The following TNN variants were observed in gnomAD, a reference collection of about 807,000 sequenced individuals.
The protein encoded by TNN is tenascin-N.
Under a neutral mutation model 134.4 loss-of-function variants are expected in TNN, and 122 were observed. That is an observed-to-expected ratio of 0.91 (90% CI 0.78 to 1.06). The LOEUF is 1.06. Among genes scored for constraint, TNN ranks in the 50% least tolerant of loss-of-function variants. The pLI, the probability that TNN is intolerant of heterozygous loss-of-function variation, is 0.00. For synonymous variants in TNN, 710 were observed against 670.3 expected, an observed-to-expected ratio of 1.06 and a Z score of -0.91; for missense variants, 1,739 against 1,699.4, an observed-to-expected ratio of 1.02 and a Z score of -0.41.
At position 175,147,040 on chromosome 1, in the gene TNN, G is replaced by C; in HGVS notation, c.3869G>C (p.Arg1290Pro). 6.3e-7 allele frequency: 1 copy of C among 1,592,082 alleles called. No homozygotes were observed. Among genetic ancestry groups the C allele is most frequent in the Non-Finnish European group, 8.6e-7 (1 of 1,168,966 alleles). ...SREPVLGRKK[R>P]TLRGRLRTF ...GAGCCTGTCCTGGGCAGAAAGAAGC[G>C]GACGCTGAGAGGAAGGCTGCGAACG... Residue 1290 changes from arginine to proline, a missense_variant, in exon 19 of 19, where the codon CGG (arginine) becomes CCG (proline). Physicochemically the swap from Arg to Pro is moderately radical, Grantham distance 103. Transcript: ENST00000239462.
chr1:175,067,887 C>T lies in TNN; in HGVS notation c.-84C>T, dbSNP rs747800369. 2.8e-5 allele frequency: 14 copies of T among 499,938 alleles called. No individual in the cohort carries two copies. Among genetic ancestry groups the T allele is most frequent in the Non-Finnish European group, 5.2e-5 (13 of 251,140 alleles). 31.0% of individuals were successfully genotyped at this position (499,938 alleles called of 1,614,324 possible). ...ACCAAGGTCTGCGGCAGGAGGAGAC[C>T]GGCTCACAGGAGCAGCAGCATTGGA... On this transcript the variant is annotated 5_prime_UTR_variant, in exon 1 of 19. Coordinates refer to ENST00000239462, the MANE Select transcript of TNN (RefSeq NM_022093.2).
chr1:175,091,473 G>C (rs940939492), intron 6 of TNN, among the ~76,000 whole-genome samples: 2 of 152,176 alleles, frequency 1.3e-5, no homozygotes, highest in African/African-American at 4.8e-5. Flanking sequence ...GGAGAGAAAG[G>C]AGCTACAGAG....
intron 15 of TNN, 46 bp downstream of exon 15, chr1:175,128,792 C>A (rs753428930): frequency 2.6e-6 from 4 of 1,559,372 alleles, no homozygotes; most frequent in Non-Finnish European, 3.5e-6. Context: ...GGCCTTCCTT[C>A]TCAGCCCAGG....
At chr1:175,079,737 C>T (rs754750907) in intron 3 of TNN, 30 bp downstream of exon 3, 5 of 1,543,492 alleles carry the variant, frequency 3.2e-6, no homozygotes, top group Non-Finnish European at 4.4e-6. Context: ...CTCGGGCCGC[C>T]GGACTCTTCT....
At chr1:175,128,196 T>G in intron 14 of TNN, 32 bp downstream of exon 14, 1 of 1,538,688 alleles carries the variant, frequency 6.5e-7, no homozygotes, top group Non-Finnish European at 8.8e-7. Flanking sequence ...TGAACGACCG[T>G]GCAATGAGAA....
intron 9 of TNN, among the ~76,000 whole-genome samples, chr1:175,114,051 G>A (rs553720241): frequency 9.9e-5 from 15 of 151,906 alleles, no homozygotes; most frequent in African/African-American, 3.4e-4. Context: ...ACAATGTATC[G>A]ATTTCTTTTT....
intron 12 of TNN, among the ~76,000 whole-genome samples, 188 bp downstream of exon 12, chr1:175,123,851 T>C (rs1057509168): frequency 1.8e-4 from 8 of 44,754 alleles, no homozygotes; most frequent in African/African-American, 6.1e-4. Context: ...TGAGAGAGTA[T>C]AGAGGGAGTG....
intron 5 of TNN, among the ~76,000 whole-genome samples, 180 bp downstream of exon 5, chr1:175,084,115 A>C (rs912679531): frequency 6.6e-6 from 1 of 152,222 alleles, no homozygotes; most frequent in African/African-American, 2.4e-5. Context: ...GGAGGCCTGT[A>C]GACTCTGCCC....
At chr1:175,111,153 A>G (rs1168386612) in intron 9 of TNN, among the ~76,000 whole-genome samples, 1 of 152,220 alleles carries the variant, frequency 6.6e-6, no homozygotes, top group Non-Finnish European at 1.5e-5. Context: ...CTCCGTCTCT[A>G]CTATAAATAC....
intron 9 of TNN, among the ~76,000 whole-genome samples, chr1:175,109,070 G>GT (rs1338891175): frequency 3.4e-5 from 3 of 88,348 alleles, no homozygotes; most frequent in Admixed American, 2.2e-4. Context: ...CTATCTAACT[G>GT]TATTTTTTTT....
chr1:175,134,524 A>AACAG (rs1675749872), intron 15 of TNN, among the ~76,000 whole-genome samples: 1 of 140,984 alleles, frequency 7.1e-6, no homozygotes, highest in East Asian at 2.0e-4. Context: ...CAGCCTGGGC[A>AACAG]ACAGAGTGAG....
At chr1:175,144,308 T>G in intron 17 of TNN, 79 bp from the exon 18 acceptor site, 2 of 1,393,988 alleles carry the variant, frequency 1.4e-6, no homozygotes, top group Non-Finnish European at 2.0e-6. Context: ...TGCCTAGAGA[T>G]CTTCCTGCTG....
chr1:175,084,821 G>T (rs1269111685), intron 5 of TNN, among the ~76,000 whole-genome samples: 2 of 152,184 alleles, frequency 1.3e-5, no homozygotes, highest in East Asian at 3.9e-4. Context: ...CTTCTACAGA[G>T]AAATAACTTT....
At position 175,123,686 on chromosome 1, in the gene TNN, G is replaced by A. The variant is rs188813722; in HGVS notation, c.2914+23G>A. The A allele has an allele frequency of 5.0e-6, 8 of 1,613,520 alleles. No homozygotes were observed. The Admixed American group carries it at 1.3e-4, about 27-fold the overall frequency. ...CAGGTACTGAGAGGGACCAGGCCAGGGGAACACCTCACACTTATCAGGAGA... is the reference window on the plus strand; with the variant it reads ...CAGGTACTGAGAGGGACCAGGCCAGAGGAACACCTCACACTTATCAGGAGA... On this transcript the variant is annotated intron_variant, in intron 12 of 18. Coordinates refer to ENST00000239462, the MANE Select transcript of TNN (RefSeq NM_022093.2).
intron 6 of TNN, among the ~76,000 whole-genome samples, chr1:175,092,799 G>T (rs1194729653): frequency 6.6e-6 from 1 of 152,014 alleles, no homozygotes; most frequent in Non-Finnish European, 1.5e-5. Context: ...AATTACTTGG[G>T]CCCCAAGCCA....
At chr1:175,078,523 G>T (rs1411134286) in intron 2 of TNN, among the ~76,000 whole-genome samples, 1 of 152,162 alleles carries the variant, frequency 6.6e-6, no homozygotes, top group Admixed American at 6.5e-5. Context: ...AGGATTTCAT[G>T]CCTGAAGGAA....
chr1:175,068,968 T>G (rs1204137676), intron 1 of TNN, among the ~76,000 whole-genome samples: 1 of 152,126 alleles, frequency 6.6e-6, no homozygotes, highest in African/African-American at 2.4e-5. Flanking sequence ...AGGTCTTACT[T>G]TTTACTTATT....
chr1:175,127,919 C>T, intron 13 of TNN, 113 bp from the exon 14 acceptor site: 1 of 1,312,340 alleles, frequency 7.6e-7, no homozygotes, highest in East Asian at 2.3e-5. Context: ...AGACAAAACA[C>T]TGTGCTCTCA....
rs759709403 is a variant in TNN, at chr1:175,085,397, G to A, written c.1235-8G>A. ...CACTCACATCCTGCGCTGCCTGCTT[G>A]TTTCCAGGTCTGCACCCGGGGACTG... On this transcript the variant is annotated splice_region_variant and splice_polypyrimidine_tract_variant and intron_variant, in intron 5 of 18. Transcript: ENST00000239462. 4 of 1,599,054 alleles carry A rather than the reference G, an allele frequency of 2.5e-6. No individual in the cohort carries two copies. Among genetic ancestry groups the A allele is most frequent in the Non-Finnish European group, 3.4e-6 (4 of 1,167,318 alleles).
Sources: gnomAD v4.1 joint callset for allele counts (sites outside exome capture counted in the v4.1 genomes callset) on GRCh38, gnomAD v4.1.1 for gene constraint, MANE v1.5 for transcripts, NCBI Gene and HGNC (gene_info 2026-07-23, HGNC 2026-07-21) for gene names.